CD36: variants seen among roughly 807,000 people sequenced by gnomAD.
CD36 encodes CD36 molecule (CD36 blood group).
A neutral mutation model predicts 55.2 loss-of-function variants in CD36; 119 were observed. The ratio of observed to expected loss-of-function variants is 2.15; its 90% confidence interval spans 1.86 to 2.51. The LOEUF is 2.51. CD36 is among the 30% of genes most tolerant of loss of function. The pLI is 0.00. For missense variants in CD36, 819 were observed against 555.5 expected, an observed-to-expected ratio of 1.47 and a Z score of -4.77; for synonymous variants, 186 against 193.6, an observed-to-expected ratio of 0.96 and a Z score of 0.33.
Position 80,652,061 on chromosome 7 carries a change from TA to T in CD36, c.121-4474del, listed in dbSNP as rs200152107. 8.3e-3 allele frequency among the ~76,000 whole-genome samples: 1,259 copies of T among 151,952 alleles called. 18 individuals are homozygous for T. The highest frequency in any genetic ancestry group is 0.029 in the African/African-American group (1,205 of 41,536). ...ATCTAAAAGCTCAAAAATAAATGACTAAAAATATTAAAGATGGTAAAGTTTG... is the reference window on the plus strand; with the variant it reads ...ATCTAAAAGCTCAAAAATAAATGACTAAAATATTAAAGATGGTAAAGTTTG... On this transcript the variant is annotated intron_variant, in intron 3 of 14. Coordinates refer to ENST00000447544, the MANE Select transcript of CD36 (RefSeq NM_001001548.3).
intron 1 of CD36, among the ~76,000 whole-genome samples, chr7:80,607,536 A>G (rs1792629313): frequency 6.6e-6 from 1 of 152,260 alleles, no homozygotes; most frequent in Admixed American, 6.5e-5. Flanking sequence ...GCCTTTGTCT[A>G]GCCATATTGC....
intron 1 of CD36, among the ~76,000 whole-genome samples, chr7:80,617,863 C>T (rs898501669): frequency 1.3e-5 from 2 of 151,980 alleles, no homozygotes; most frequent in Admixed American, 6.6e-5. Context: ...AGGGGTTTGT[C>T]ATTAGAGAAA....
intron 1 of CD36, among the ~76,000 whole-genome samples, chr7:80,618,489 G>T (rs1793288702): frequency 6.6e-6 from 1 of 152,180 alleles, no homozygotes; most frequent in Non-Finnish European, 1.5e-5. Flanking sequence ...AAGATAGGAT[G>T]AAACCTAGGC....
At chr7:80,656,290 T>C (rs1054157208) in intron 3 of CD36, among the ~76,000 whole-genome samples, 3 of 152,208 alleles carry the variant, frequency 2.0e-5, no homozygotes, top group Admixed American at 2.0e-4. Flanking sequence ...AAAGTTTGCC[T>C]TAAAATCAAC....
At chr7:80,666,258 G>A (rs567486636) in intron 7 of CD36, 185 bp from the exon 8 acceptor site, 2 of 571,674 alleles carry the variant, frequency 3.5e-6, no homozygotes, top group South Asian at 4.5e-5. Context: ...ATGGCATCAG[G>A]TACATTGCAA....
chr7:80,653,784 T>G (rs1035738776), intron 3 of CD36, among the ~76,000 whole-genome samples: 1 of 152,164 alleles, frequency 6.6e-6, no homozygotes, highest in African/African-American at 2.4e-5. Context: ...ATTCAAGGAG[T>G]GACTACAATT....
chr7:80,608,914 A>G lies in CD36; in HGVS notation c.-184+6535A>G, dbSNP rs572448814. 1.7e-4 allele frequency among the ~76,000 whole-genome samples: 19 copies of G among 111,698 alleles called. No individual in the cohort carries two copies. The South Asian group carries it at 1.7e-3, about 10-fold the overall frequency. The allele number at this position is 111,698 out of a possible 152,430, so 73.3% of individuals were successfully genotyped here. On this transcript the variant is annotated intron_variant, in intron 1 of 13. Transcript: ENST00000309881. ...TTCTGAAATCTTTCCCACATTTCCC[A>G]CCCCCACCCCCATAGCCAGTTTTTA...
chr7:80,624,731 A>G (rs545815625), intron 1 of CD36, among the ~76,000 whole-genome samples: 1 of 152,022 alleles, frequency 6.6e-6, no homozygotes, highest in Non-Finnish European at 1.5e-5. Flanking sequence ...ATACAGTAAT[A>G]CAATAGTAGG....
chr7:80,666,489 G>A lies in CD36; in HGVS notation c.748G>A (p.Asp250Asn). ...TCACTGCGACATGATTAATGGTACA[G>A]GTAAGAATATTTGTTTTGTGGTCAT... Reference protein sequence around the residue: ...ESHCDMINGTDAASFPPFVEK... With the variant: ...ESHCDMINGTNAASFPPFVEK... The change falls in exon 8 of 15, where the codon GAT becomes AAT. Residue 250 changes from aspartate to asparagine, a missense_variant and splice_region_variant. Transcript: ENST00000447544. 6.2e-7 allele frequency: 1 copy of A among 1,605,464 alleles called. No individual in the cohort carries two copies.
chr7:80,645,303 A>G (rs1795083758), intron 1 of CD36, among the ~76,000 whole-genome samples: 1 of 150,722 alleles, frequency 6.6e-6, no homozygotes, highest in Non-Finnish European at 1.5e-5. Flanking sequence ...GACAGGTGTG[A>G]GCCACCACGC....
At chr7:80,610,921 G>T (rs149258323) in intron 1 of CD36, among the ~76,000 whole-genome samples, 2 of 151,908 alleles carry the variant, frequency 1.3e-5, no homozygotes, top group East Asian at 3.9e-4. Context: ...TGTCAGTCAG[G>T]CTGGAGTGCA....
intron 3 of CD36, among the ~76,000 whole-genome samples, chr7:80,653,846 A>G (rs1337761527): frequency 2.0e-5 from 3 of 152,148 alleles, no homozygotes; most frequent in Admixed American, 6.5e-5. Context: ...TACTTCGACT[A>G]CTTCAATATT....
At chr7:80,636,901 T>G (rs1367196850), upstream of CD36, 2 of 152,112 alleles carry the variant, frequency 1.3e-5, no homozygotes. Context: ...TCTCTGGGAA[T>G]GTAAATTTGA....
chr7:80,678,885 T>A lies in CD36; in HGVS notation c.*2502T>A, dbSNP rs565640052. ...TGCACGTACAAATTTCTTAACCTGT[T>A]ATCAATGTCTGAGCTACATAATTAT... On this transcript the variant is annotated 3_prime_UTR_variant, in exon 15 of 15. Coordinates refer to ENST00000447544, the MANE Select transcript of CD36 (RefSeq NM_001001548.3). The A allele has an allele frequency of 6.6e-6, 1 of 152,306 alleles. No individual in the cohort carries two copies. The highest frequency in any genetic ancestry group is 1.9e-4 in the East Asian group (1 of 5,170). The allele number at this position is 152,306 out of a possible 1,614,324, so 9.4% of individuals were successfully genotyped here. A position where few individuals can be genotyped will look rare whatever the true frequency, so the allele number is the denominator to read the frequency against.
intron 11 of CD36, 69 bp downstream of exon 11, chr7:80,672,109 T>C: frequency 8.3e-7 from 1 of 1,200,150 alleles, no homozygotes. Flanking sequence ...AAAAATAATC[T>C]TGTCGATGAT....
rs117628289 is a variant in CD36, at chr7:80,651,621, T to C, written c.120+4761T>C. Among the ~76,000 whole-genome samples the C allele has an allele frequency of 7.2e-5, 11 of 152,232 alleles. No individual in the cohort carries two copies. In the East Asian group the frequency reaches 1.9e-3, roughly 27 times the overall value. On this transcript the variant is annotated intron_variant, in intron 3 of 14. Transcript: ENST00000447544. ...AAATCATGATTCATTAAAATGGTTA[T>C]ACATGGCTGGGCATGGTGGCTCATG...
chr7:80,659,903 A>G (rs1310310279), intron 4 of CD36, among the ~76,000 whole-genome samples: 1 of 152,094 alleles, frequency 6.6e-6, no homozygotes, highest in Admixed American at 6.6e-5. Context: ...ATTTCTAGCC[A>G]ACTTTGAATC....
chr7:80,654,424 G>C (rs1444240226), intron 3 of CD36, among the ~76,000 whole-genome samples: 1 of 152,120 alleles, frequency 6.6e-6, no homozygotes, highest in Non-Finnish European at 1.5e-5. Context: ...TGAGCATTAA[G>C]ATTCTAATAG....
At chr7:80,602,625 G>A (rs1397893224) in intron 1 of CD36, among the ~76,000 whole-genome samples, 1 of 152,136 alleles carries the variant, frequency 6.6e-6, no homozygotes, top group African/African-American at 2.4e-5. Flanking sequence ...AGGATGCTAT[G>A]GATTTCTAGT....
Sources: allele counts gnomAD v4.1 joint callset (sites outside exome capture counted in the v4.1 genomes callset), GRCh38; gene constraint gnomAD v4.1.1; transcripts MANE v1.5; gene names NCBI Gene and HGNC (gene_info 2026-07-23, HGNC 2026-07-21).